Variants in ENTPD1 observed in about 807,000 individuals in gnomAD.
ENTPD1 encodes ectonucleoside triphosphate diphosphohydrolase 1.
ENTPD1 carries 33 observed loss-of-function variants against 57.0 expected under a neutral mutation model. The observed-to-expected ratio is 0.58, with a 90% CI of 0.44 to 0.77. ENTPD1 has a LOEUF of 0.77. Among genes scored for constraint, ENTPD1 ranks in the 30% least tolerant of loss-of-function variants. The probability of loss-of-function intolerance (pLI) is 0.00; values close to 1 mark genes in which losing one functional copy is unlikely to be tolerated. For synonymous variants in ENTPD1, 202 were observed against 218.8 expected, an observed-to-expected ratio of 0.92 and a Z score of 0.68; for missense variants, 501 against 603.4, an observed-to-expected ratio of 0.83 and a Z score of 1.78.
In ENTPD1 at chr10:95,723,635, G is replaced by T. The variant is rs187029865; in HGVS notation, c.37+11642G>T. 3.5e-3 allele frequency among the ~76,000 whole-genome samples: 533 copies of T among 152,268 alleles called. 2 individuals are homozygous for T. Among genetic ancestry groups the T allele is most frequent in the African/African-American group, 0.012 (506 of 41,544 alleles). On this transcript the variant is annotated intron_variant, in intron 1 of 9. Transcript: ENST00000453258. Reference sequence around the variant, plus strand: ...TTGGGGCTACACTTTCAAGAAAGTCGTGGTTGGGACCCAGGAGGTATGGGT... The same window carrying T: ...TTGGGGCTACACTTTCAAGAAAGTCTTGGTTGGGACCCAGGAGGTATGGGT...
At chr10:95,757,851 A>G (rs2098034784) in intron 1 of ENTPD1, among the ~76,000 whole-genome samples, 3 of 151,670 alleles carry the variant, frequency 2.0e-5, no homozygotes, top group Middle Eastern at 3.2e-3. Flanking sequence ...CTAAAAATAC[A>G]AAAATTAGCT....
chr10:95,772,504 A>G (rs1232255010), intron 1 of ENTPD1, among the ~76,000 whole-genome samples: 1 of 152,232 alleles, frequency 6.6e-6, no homozygotes, highest in African/African-American at 2.4e-5. Flanking sequence ...CTGTTCATCC[A>G]TAAGAAGCAA....
At chr10:95,695,065 T>A in the ENTPD1 span, among the ~76,000 whole-genome samples, 1 of 151,960 alleles carries the variant, frequency 6.6e-6, no homozygotes, top group African/African-American at 2.4e-5. Context: ...CACGCCCGGC[T>A]AATTTTATTT....
At chr10:95,722,731 G>A (rs1438291071) in intron 1 of ENTPD1, among the ~76,000 whole-genome samples, 6 of 152,120 alleles carry the variant, frequency 3.9e-5, no homozygotes, top group African/African-American at 1.2e-4. Context: ...AACCTCTATC[G>A]TCCTGTCCTG....
chr10:95,757,718 T>G (rs944086559), intron 1 of ENTPD1, among the ~76,000 whole-genome samples: 1 of 151,992 alleles, frequency 6.6e-6, no homozygotes, highest in African/African-American at 2.4e-5. Flanking sequence ...AAGTCTGGAC[T>G]GGGGGGCTGG....
intron 1 of ENTPD1, among the ~76,000 whole-genome samples, chr10:95,739,497 C>T (rs2097997988): frequency 6.6e-6 from 1 of 152,220 alleles, no homozygotes; most frequent in Non-Finnish European, 1.5e-5. Flanking sequence ...AGTTTCTTTG[C>T]TTATCCATAA....
intron 9 of ENTPD1, 148 bp downstream of exon 9, chr10:95,865,009 C>A: frequency 1.0e-6 from 1 of 983,156 alleles, no homozygotes; most frequent in Non-Finnish European, 1.5e-6. Context: ...CCCTGGCATT[C>A]TGTGTCAAGC....
chr10:95,738,122 G>A (rs2097996566), intron 1 of ENTPD1, among the ~76,000 whole-genome samples: 1 of 152,188 alleles, frequency 6.6e-6, no homozygotes, highest in Non-Finnish European at 1.5e-5. Flanking sequence ...TATGGTAGGT[G>A]TCCAGTAAAT....
At chr10:95,865,956 G>C (rs945280368) in intron 9 of ENTPD1, among the ~76,000 whole-genome samples, 10 of 151,772 alleles carry the variant, frequency 6.6e-5, no homozygotes, top group African/African-American at 1.9e-4. Flanking sequence ...AGAGAGACAG[G>C]GTCTCACTAT....
At position 95,860,584 on chromosome 10, in the gene ENTPD1, T is replaced by G; in HGVS notation, c.1188+2T>G. ...TTCTGTGCTCAGCCTTGGGAGGAGG[T>G]AAGTGACTAGGCACAGCAGCTCTAA... On this transcript the variant is annotated splice_donor_variant, in intron 8 of 9. Coordinates refer to ENST00000371205, the MANE Select transcript of ENTPD1 (RefSeq NM_001776.6). LOFTEE classifies it high-confidence loss of function. The G allele has an allele frequency of 6.2e-7, 1 of 1,612,428 alleles. No individual in the cohort carries two copies. The highest frequency in any genetic ancestry group is 8.5e-7 in the Non-Finnish European group (1 of 1,178,788).
Position 95,869,539 on chromosome 10 carries a change from C to T in ENTPD1, c.*3156C>T, listed in dbSNP as rs964251311. 6 of 985,074 alleles carry T rather than the reference C, an allele frequency of 6.1e-6. No homozygotes were observed. The African/African-American group carries it at 7.0e-5, about 11-fold the overall frequency. The allele number at this position is 985,074 out of a possible 1,614,324, so 61.0% of individuals were successfully genotyped here. On this transcript the variant is annotated 3_prime_UTR_variant, in exon 10 of 10. Coordinates refer to ENST00000371205, the MANE Select transcript of ENTPD1 (RefSeq NM_001776.6). Reference sequence around the variant, plus strand: ...TGCTGGGATTACAGGAGTGAGCCACCATGCCTGGCCAGAAGTGGTTACTTC... The same window carrying T: ...TGCTGGGATTACAGGAGTGAGCCACTATGCCTGGCCAGAAGTGGTTACTTC...
intron 1 of ENTPD1, among the ~76,000 whole-genome samples, chr10:95,809,702 C>T (rs1334008781): frequency 6.7e-6 from 1 of 149,518 alleles, no homozygotes; most frequent in Non-Finnish European, 1.5e-5. Flanking sequence ...AGGCGCTCCC[C>T]ACCCCCCAGA....
intron 3 of ENTPD1, 86 bp downstream of exon 3, chr10:95,839,894 A>C (rs1590100148): frequency 1.5e-6 from 2 of 1,365,940 alleles, no homozygotes; most frequent in East Asian, 4.6e-5. Context: ...CAAGAGAAAA[A>C]GGAGTCCCAC....
chr10:95,844,331 A>C (rs2098429271), intron 4 of ENTPD1, 145 bp from the exon 5 acceptor site: 1 of 1,096,670 alleles, frequency 9.1e-7, no homozygotes, highest in Non-Finnish European at 1.4e-6. Context: ...TTGGACAGCT[A>C]TGTGCGAAGA....
chr10:95,775,235 A>G (rs2098129592), intron 1 of ENTPD1, among the ~76,000 whole-genome samples: 1 of 152,174 alleles, frequency 6.6e-6, no homozygotes, highest in Admixed American at 6.5e-5. Context: ...GGGCTGAGAC[A>G]ATGGGGTTTT....
intron 7 of ENTPD1, among the ~76,000 whole-genome samples, chr10:95,860,190 T>TCTCTTTTCTTATTCTCTTTCCCC (rs2098463053): frequency 6.6e-6 from 1 of 152,116 alleles, no homozygotes; most frequent in Non-Finnish European, 1.5e-5. Context: ...CCCCTTTCTC[T>TCTCTTTTCTTATTCTCTTTCCCC]CTCTTTTCTT....
intron 1 of ENTPD1, among the ~76,000 whole-genome samples, chr10:95,803,341 C>T (rs1433483277): frequency 1.3e-5 from 2 of 152,212 alleles, no homozygotes; most frequent in Non-Finnish European, 2.9e-5. Context: ...AAAAGCATTC[C>T]TGTTTCTCCA....
the ENTPD1 span, among the ~76,000 whole-genome samples, chr10:95,700,819 T>A: frequency 1.3e-5 from 2 of 151,630 alleles, no homozygotes; most frequent in Non-Finnish European, 2.9e-5. Flanking sequence ...TGAGACCAAG[T>A]TTCGCTCTTG....
intron 1 of ENTPD1, among the ~76,000 whole-genome samples, chr10:95,724,375 G>A (rs567008196): frequency 5.9e-5 from 9 of 152,180 alleles, no homozygotes; most frequent in Admixed American, 3.3e-4. Flanking sequence ...TTACCGGGGC[G>A]GGGTGGTCCT....
Sources: gnomAD v4.1 joint callset for allele counts (sites outside exome capture counted in the v4.1 genomes callset) on GRCh38, gnomAD v4.1.1 for gene constraint, MANE v1.5 for transcripts, NCBI Gene and HGNC (gene_info 2026-07-23, HGNC 2026-07-21) for gene names.